The following MTMR8 variants were observed in gnomAD, a reference collection of about 807,000 sequenced individuals.
MTMR8 encodes myotubularin related protein 8, also known as phosphatidylinositol-3,5-bisphosphate 3-phosphatase MTMR8.
A neutral mutation model predicts 39.3 loss-of-function variants in MTMR8; 65 were observed. That is an observed-to-expected ratio of 1.65 (90% CI 1.35 to 2.03). The LOEUF is 2.03. Among genes scored for constraint, MTMR8 ranks in the 30% most tolerant of loss-of-function variants. The probability of loss-of-function intolerance (pLI) is 0.00; values close to 1 mark genes in which losing one functional copy is unlikely to be tolerated. For synonymous variants in MTMR8, 245 were observed against 185.2 expected (o/e 1.32, Z -2.62); for missense variants, 777 against 538.9 (o/e 1.44, Z -4.37).
At position 64,331,570 on chromosome X, in the gene MTMR8, G is replaced by A. The variant is rs1016028993; in HGVS notation, c.1339C>T (p.Arg447Trp). The A allele has an allele frequency of 1.7e-5, 20 of 1,207,478 alleles. No homozygotes were observed. The highest frequency in any genetic ancestry group is 2.0e-5 in the Non-Finnish European group (18 of 893,698). The change falls in exon 11 of 14, where the codon CGG (arginine) becomes TGG (tryptophan). Residue 447 changes from arginine (R) to tryptophan (W), a missense_variant. Physicochemically the swap from Arg to Trp is moderately radical, Grantham distance 101. Transcript: ENST00000374852. The part of the protein sequence containing the change: ...GNFLGNCQKD[R>W]EDLRVYEKTH... ...AAGTAAATTCACCTTAGATCTTCCC[G>A]ATCCTTCTGGCAGTTACCAAGGAAG...
At chrX:64,343,496 G>A (rs1923268055) in intron 8 of MTMR8, 115 bp downstream of exon 8, 4 of 465,964 alleles carry the variant, frequency 8.6e-6, no homozygotes, top group Non-Finnish European at 1.4e-5. Flanking sequence ...ATTAGTGGCA[G>A]AGCTGAATCT....
chrX:64,276,271 T>G (rs1333924021), intron 12 of MTMR8, among the ~76,000 whole-genome samples: 5 of 110,969 alleles, frequency 4.5e-5, no homozygotes, highest in Non-Finnish European at 7.6e-5. Context: ...GTTAGGGTGT[T>G]GATCTAGTTC....
chrX:64,289,312 C>T (rs1921316392), intron 12 of MTMR8, among the ~76,000 whole-genome samples: 2 of 110,669 alleles, frequency 1.8e-5, no homozygotes, highest in African/African-American at 6.6e-5. Flanking sequence ...GAAACCTTGT[C>T]CACTGCTGTT....
At chrX:64,358,748 G>A (rs1923693909) in intron 2 of MTMR8, among the ~76,000 whole-genome samples, 1 of 110,007 alleles carries the variant, frequency 9.1e-6, no homozygotes, top group Admixed American at 9.7e-5. Context: ...ATGATCTTTA[G>A]GATGGGTAAG....
At chrX:64,289,678 G>C (rs1005854075) in intron 12 of MTMR8, among the ~76,000 whole-genome samples, 1 of 94,773 alleles carries the variant, frequency 1.1e-5, no homozygotes, top group Non-Finnish European at 2.0e-5. Flanking sequence ...TGGGAGCAAG[G>C]ACTCAAAAAT....
intron 8 of MTMR8, among the ~76,000 whole-genome samples, chrX:64,339,890 A>G (rs1249834213): frequency 9.0e-6 from 1 of 111,535 alleles, no homozygotes; most frequent in Non-Finnish European, 1.9e-5. Context: ...GAGGGGAGTT[A>G]CCATGGTGTA....
At chrX:64,390,803 A>G (rs1045800982) in intron 1 of MTMR8, among the ~76,000 whole-genome samples, 7 of 110,028 alleles carry the variant, frequency 6.4e-5, no homozygotes, top group Non-Finnish European at 3.8e-5. Context: ...CCACAGGTGC[A>G]AGCCACCACA....
chrX:64,344,344 A>T (rs766491585), intron 7 of MTMR8, among the ~76,000 whole-genome samples: 1 of 111,700 alleles, frequency 9.0e-6, no homozygotes, highest in East Asian at 2.8e-4. Flanking sequence ...GGCAAGGGTG[A>T]TGTAAAGGAG....
At chrX:64,331,893 C>T (rs1480331081) in intron 10 of MTMR8, 136 bp from the exon 11 acceptor site, 1 of 512,079 alleles carries the variant, frequency 2.0e-6, no homozygotes, top group African/African-American at 2.4e-5. Context: ...AAATGCCAGC[C>T]AGAATCTCAA....
At chrX:64,284,282 T>C (rs778782010) in intron 12 of MTMR8, among the ~76,000 whole-genome samples, 1 of 111,563 alleles carries the variant, frequency 9.0e-6, no homozygotes, top group South Asian at 3.8e-4. Context: ...GAAAAAAGAA[T>C]AAAAAGAAAC....
At chrX:64,384,770 C>A (rs1269345654) in intron 1 of MTMR8, among the ~76,000 whole-genome samples, 1 of 112,615 alleles carries the variant, frequency 8.9e-6, no homozygotes, top group Non-Finnish European at 1.9e-5. Flanking sequence ...TATTCTTCCT[C>A]CTAAGTCTCT....
At chrX:64,302,078 C>T (rs1209889917) in intron 12 of MTMR8, among the ~76,000 whole-genome samples, 1 of 112,980 alleles carries the variant, frequency 8.9e-6, no homozygotes, top group South Asian at 3.6e-4. Flanking sequence ...CCTCCTTGAG[C>T]TGTGGTTGGC....
In MTMR8 at chrX:64,379,022, G is replaced by C. The variant is rs1924343469; in HGVS notation, c.24+16318C>G. The stretch of plus-strand genomic sequence containing the variant: ...TGAATAACTGTATGTCCACAAATTT[G>C]ATAATCTAGGTGAAATGGACCAATA... On this transcript the variant is annotated intron_variant, in intron 1 of 13. Transcript: ENST00000374852. Among the ~76,000 whole-genome samples the C allele has an allele frequency of 2.7e-5, 3 of 111,819 alleles. No individual in the cohort carries two copies. In the South Asian group the frequency reaches 1.1e-3, roughly 43 times the overall value.
intron 1 of MTMR8, among the ~76,000 whole-genome samples, chrX:64,388,043 G>A (rs968651937): frequency 8.1e-5 from 9 of 111,290 alleles, no homozygotes; most frequent in African/African-American, 9.8e-5. Flanking sequence ...CATAATCCAC[G>A]TTTATCTGTT....
At chrX:64,279,456 C>T (rs1338487503) in intron 12 of MTMR8, among the ~76,000 whole-genome samples, 1 of 111,679 alleles carries the variant, frequency 9.0e-6, no homozygotes, top group Non-Finnish European at 1.9e-5. Context: ...CAATAAACTA[C>T]AAAATATTGT....
At chrX:64,333,298 C>A (rs1030279229) in intron 10 of MTMR8, among the ~76,000 whole-genome samples, 9 of 111,313 alleles carry the variant, frequency 8.1e-5, no homozygotes, top group African/African-American at 2.6e-4. Flanking sequence ...CCTTGTCAAA[C>A]CCCTAATCCA....
intron 12 of MTMR8, among the ~76,000 whole-genome samples, chrX:64,275,209 AAG>A (rs755976028): frequency 7.2e-5 from 8 of 111,158 alleles, no homozygotes; most frequent in Admixed American, 9.6e-5. Context: ...GTTAATAAAA[AAG>A]AGAAATTTAT....
chrX:64,313,755 C>A (rs1252587769), intron 12 of MTMR8, among the ~76,000 whole-genome samples: 2 of 112,508 alleles, frequency 1.8e-5, no homozygotes, highest in African/African-American at 3.2e-5. Context: ...CAATTATCTT[C>A]ATTTCTTTCC....
intron 13 of MTMR8, among the ~76,000 whole-genome samples, chrX:64,270,515 A>C (rs1931736212): frequency 8.9e-6 from 1 of 112,547 alleles, no homozygotes; most frequent in Admixed American, 9.4e-5. Flanking sequence ...TCACTCAATA[A>C]GCAGAGTTTG....
Sources: allele counts gnomAD v4.1 joint callset (sites outside exome capture counted in the v4.1 genomes callset), GRCh38; gene constraint gnomAD v4.1.1; transcripts MANE v1.5; gene names NCBI Gene and HGNC (gene_info 2026-07-23, HGNC 2026-07-21).